Variants in NR4A1 observed in about 807,000 individuals in gnomAD.
The protein encoded by NR4A1 is nuclear receptor subfamily 4 group A member 1.
NR4A1 carries 24 observed loss-of-function variants against 47.5 expected under a neutral mutation model. The ratio of observed to expected loss-of-function variants is 0.50; its 90% CI spans 0.37 to 0.71. The LOEUF (loss-of-function observed/expected upper bound fraction) is 0.71. NR4A1 is among the 30% of genes least tolerant of loss of function. The pLI is 0.00. For missense variants in NR4A1, 669 were observed against 788.6 expected (o/e 0.85, Z 1.82); for synonymous variants, 353 against 345.7 (o/e 1.02, Z -0.24).
chr12:52,026,552 C>T (rs531290275), intron 1 of NR4A1, among the ~76,000 whole-genome samples: 2 of 152,098 alleles, frequency 1.3e-5, no homozygotes, highest in East Asian at 1.9e-4. Flanking sequence ...ATCGCTGTCC[C>T]GTTCTACACA....
chr12:52,028,297 C>T (rs1040484077), intron 1 of NR4A1, among the ~76,000 whole-genome samples: 3 of 151,738 alleles, frequency 2.0e-5, no homozygotes, highest in East Asian at 1.9e-4. Flanking sequence ...CTTAAGGGGC[C>T]GGGAGCAGTG....
rs779337647 is a variant in NR4A1, at chr12:52,055,092, C to T, written c.764C>T (p.Ala255Val). 1 of 1,614,128 alleles carries T rather than the reference C, an allele frequency of 6.2e-7. No homozygotes were observed. Among genetic ancestry groups the T allele is most frequent in the African/African-American group, 1.3e-5 (1 of 74,948 alleles). Reference sequence around the variant, plus strand: ...GATACACCCGTGACCTCAACCAAGGCCCGGAGCGGGGCCCCAGGTGGAAGT... The same window carrying T: ...GATACACCCGTGACCTCAACCAAGGTCCGGAGCGGGGCCCCAGGTGGAAGT... ...ILDTPVTSTK[A>V]RSGAPGGSEG... is the part of the protein sequence containing the mutation. Residue 255 changes from alanine (A) to valine (V), a missense_variant, in exon 2 of 7, where the codon GCC (alanine) becomes GTC (valine). Physicochemically the swap from Ala to Val is moderately conservative, Grantham distance 64 (BLOSUM62 0). Coordinates refer to ENST00000394825, the MANE Select transcript of NR4A1 (RefSeq NM_173157.3).
rs1177786560 is a variant in NR4A1 at position 52,054,349 on chromosome 12, A to G, written c.21A>G (p.Gln7=). 5 of 1,612,260 alleles carry G rather than the reference A, an allele frequency of 3.1e-6. No homozygotes were observed. Among genetic ancestry groups the G allele is most frequent in the Non-Finnish European group, 4.2e-6 (5 of 1,179,150 alleles). Residue 7 remains glutamine, a synonymous_variant, in exon 2 of 7, where the codon CAA becomes CAG. Transcript: ENST00000394825. MPCIQA[Q]YGTPAPSPGP... ...CAGAGATGCCCTGTATCCAAGCCCA[A>G]TATGGGACACCAGCACCGAGTCCGG...
Position 52,059,039 on chromosome 12 carries a change from C to A in NR4A1, c.*95C>A. ...CCCCCAGAGCACCCCCAAGCCTGGG[C>A]TTGAGCTGCAGAATGACTCCACCTT... On this transcript the variant is annotated 3_prime_UTR_variant, in exon 7 of 7. Coordinates refer to ENST00000394825, the MANE Select transcript of NR4A1 (RefSeq NM_173157.3). 7.0e-7 allele frequency: 1 copy of A among 1,432,620 alleles called. No homozygotes were observed. The highest frequency in any genetic ancestry group is 9.4e-7 in the Non-Finnish European group (1 of 1,067,800). The allele number at this position is 1,432,620 out of a possible 1,614,324, so 88.7% of individuals were successfully genotyped here.
At position 52,056,863 on chromosome 12, in the gene NR4A1, A is replaced by T. The variant is rs1939299038; in HGVS notation, c.1159-194A>T. On this transcript the variant is annotated intron_variant, in intron 4 of 6. Coordinates refer to ENST00000394825, the MANE Select transcript of NR4A1 (RefSeq NM_173157.3). ...AATGCACCCCCTCAGGCAGGTGGCC[A>T]ATTAGAAAAATATGTCCTTTTGGCA... The T allele has an allele frequency of 8.8e-6, 7 of 793,616 alleles. No individual in the cohort carries two copies. The South Asian group carries it at 1.1e-4, about 13-fold the overall frequency. 49.2% of individuals were successfully genotyped at this position (793,616 alleles called of 1,614,324 possible).
chr12:52,041,738 TG>T, intron 1 of NR4A1: 1 of 1,251,388 alleles, frequency 8.0e-7, no homozygotes, highest in South Asian at 3.4e-5. Context: ...CTGCGTGTCC[TG>T]GGCATGCTGT....
chr12:52,044,003 G>T, intron 2 of NR4A1: 2 of 1,153,568 alleles, frequency 1.7e-6, no homozygotes, highest in Admixed American at 2.4e-5. Context: ...TTTGGCCTTG[G>T]GCTGCGGGGA....
chr12:52,025,261 A>T lies in NR4A1; in HGVS notation c.-84+2322A>T, dbSNP rs536584550. On this transcript the variant is annotated intron_variant, in intron 1 of 7. Coordinates refer to the NR4A1 transcript ENST00000360284. ...TTTTTAGTAGAGATGGGGTTTCGCCATGTTGGCCAGGCTGGTCTCGAACTC... is the reference window on the plus strand; with the variant it reads ...TTTTTAGTAGAGATGGGGTTTCGCCTTGTTGGCCAGGCTGGTCTCGAACTC... 5.3e-5 allele frequency among the ~76,000 whole-genome samples: 8 copies of T among 152,130 alleles called. No homozygotes were observed. In the East Asian group the frequency reaches 1.2e-3, roughly 22 times the overall value.
intron 2 of NR4A1, 26 bp from the exon 3 acceptor site, chr12:52,056,004 T>G: frequency 8.1e-6 from 7 of 862,782 alleles, no homozygotes; most frequent in South Asian, 3.3e-5. Flanking sequence ...CTCTGACAGC[T>G]TGTTCCGTGT....
At chr12:52,040,630 A>G (rs569247431) in intron 1 of NR4A1, among the ~76,000 whole-genome samples, 4 of 152,072 alleles carry the variant, frequency 2.6e-5, no homozygotes, top group South Asian at 2.1e-4. Context: ...CCTGCTTCCC[A>G]TCATACCCAC....
intron 2 of NR4A1, chr12:52,045,340 C>G (rs1032881074): frequency 7.9e-5 from 23 of 289,940 alleles, no homozygotes; most frequent in African/African-American, 5.0e-4. Context: ...GACATGAGTT[C>G]CACAGGGCCG....
intron 2 of NR4A1, chr12:52,055,771 A>C: frequency 3.0e-6 from 1 of 336,052 alleles, no homozygotes; most frequent in Non-Finnish European, 5.3e-6. Flanking sequence ...CTAGACTGCC[A>C]GGGAGACCCT....
intron 1 of NR4A1, among the ~76,000 whole-genome samples, chr12:52,031,394 T>C (rs1226071253): frequency 1.3e-5 from 2 of 149,274 alleles, no homozygotes; most frequent in African/African-American, 2.5e-5. Flanking sequence ...CTCAACACTT[T>C]GGGAGGCCGA....
At chr12:52,045,541 C>T (rs1938600084) in intron 2 of NR4A1, 1 of 452,992 alleles carries the variant, frequency 2.2e-6, no homozygotes, top group Non-Finnish European at 4.4e-6. Flanking sequence ...TGTGGAGCCT[C>T]TCCTTTCCAT....
chr12:52,047,593 C>T (rs544937621), upstream of NR4A1, among the ~76,000 whole-genome samples: 1 of 152,352 alleles, frequency 6.6e-6, no homozygotes, highest in African/African-American at 2.4e-5. Context: ...AGTTCCTTAT[C>T]CTCCTCCAGG....
chr12:52,051,286 C>G (rs1308816015), upstream of NR4A1: 13 of 429,960 alleles, frequency 3.0e-5, no homozygotes, highest in Non-Finnish European at 3.1e-5. Flanking sequence ...TCGGGCTCCC[C>G]GGGCCGCACC....
At chr12:52,048,907 A>G (rs2701126), upstream of NR4A1, among the ~76,000 whole-genome samples, 11,137 of 152,246 alleles carry the variant, frequency 0.073, 1,092 homozygotes, top group African/African-American at 0.23. Context: ...GCCTAAGAGA[A>G]AGAAAAGCAA....
chr12:52,052,427 A>G (rs908551740), intron 1 of NR4A1: 2 of 964,680 alleles, frequency 2.1e-6, no homozygotes, highest in Non-Finnish European at 1.2e-6. Context: ...ATACCTCCCA[A>G]CCATTCCAGC....
chr12:52,049,845 A>G (rs148558770), upstream of NR4A1, among the ~76,000 whole-genome samples: 3,162 of 151,990 alleles, frequency 0.021, 44 homozygotes, highest in Non-Finnish European at 0.032. Flanking sequence ...TGCTTGTGGG[A>G]CCTTTGAGTG....
Sources: gnomAD v4.1 joint callset for allele counts (sites outside exome capture counted in the v4.1 genomes callset) on GRCh38, gnomAD v4.1.1 for gene constraint, MANE v1.5 for transcripts, NCBI Gene and HGNC (gene_info 2026-07-23, HGNC 2026-07-21) for gene names.